TMEM132D: variants seen among roughly 807,000 people sequenced by gnomAD.
The protein encoded by TMEM132D is transmembrane protein 132D.
Under a neutral mutation model 62.3 loss-of-function variants are expected in TMEM132D, and 21 were observed. That is an observed-to-expected ratio of 0.34 (90% confidence interval 0.24 to 0.49). The LOEUF (loss-of-function observed/expected upper bound fraction) is 0.49, where lower values mean the gene tolerates loss of function less well. Among genes scored for constraint, TMEM132D ranks in the 20% least tolerant of loss-of-function variants. TMEM132D has a pLI of 0.99. For synonymous variants in TMEM132D, 621 were observed against 575.6 expected, an observed-to-expected ratio of 1.08 and a Z score of -1.13; for missense variants, 1,346 against 1,402.8, an observed-to-expected ratio of 0.96 and a Z score of 0.65.
intron 7 of TMEM132D, among the ~76,000 whole-genome samples, chr12:129,079,818 A>AGGAGGACACAGTGAGAAAAAAGAG (rs1874395950): frequency 6.6e-6 from 1 of 152,150 alleles, no homozygotes; most frequent in Non-Finnish European, 1.5e-5. Context: ...TTTATGACTC[A>AGGAGGACACAGTGAGAAAAAAGAG]GGAGGACACA....
At chr12:129,199,491 T>C (rs1214371428) in intron 5 of TMEM132D, among the ~76,000 whole-genome samples, 1 of 152,186 alleles carries the variant, frequency 6.6e-6, no homozygotes, top group Admixed American at 6.5e-5. Flanking sequence ...CAGATTGACA[T>C]AGCAGAAGAA....
At chr12:129,745,052 G>A (rs899093604) in intron 1 of TMEM132D, among the ~76,000 whole-genome samples, 18 of 152,190 alleles carry the variant, frequency 1.2e-4, no homozygotes, top group South Asian at 4.2e-4. Context: ...ATGCTCTCTC[G>A]CTGTCCTGCT....
At chr12:129,432,291 T>TTGGATGGATGGATGGATGGA (rs1343742913) in intron 3 of TMEM132D, among the ~76,000 whole-genome samples, 1 of 20,946 alleles carries the variant, frequency 4.8e-5, no homozygotes, top group Non-Finnish European at 8.8e-5. Context: ...GGATGGATGC[T>TTGGATGGATGGATGGATGGA]TGGATGGATG....
At chr12:129,470,782 T>C (rs1874071527) in intron 3 of TMEM132D, among the ~76,000 whole-genome samples, 2 of 152,182 alleles carry the variant, frequency 1.3e-5, no homozygotes, top group African/African-American at 2.4e-5. Flanking sequence ...GGCCTGAAAA[T>C]GACCCACAAG....
intron 1 of TMEM132D, among the ~76,000 whole-genome samples, chr12:129,702,096 A>C (rs577187438): frequency 1.3e-4 from 20 of 152,332 alleles, no homozygotes; most frequent in African/African-American, 4.6e-4. Flanking sequence ...CATCCAGTTT[A>C]ACTTCTAGAC....
chr12:129,869,120 C>T (rs1874162141), intron 1 of TMEM132D, among the ~76,000 whole-genome samples: 1 of 151,732 alleles, frequency 6.6e-6, no homozygotes, highest in African/African-American at 2.4e-5. Flanking sequence ...GGGGTTCCCA[C>T]TGCACCCCAT....
chr12:129,429,287 A>T (rs923522650), intron 3 of TMEM132D, among the ~76,000 whole-genome samples: 4 of 152,184 alleles, frequency 2.6e-5, no homozygotes, highest in African/African-American at 9.6e-5. Context: ...TCTGTCAGTC[A>T]GGGGACAGCT....
chr12:129,315,736 G>C (rs1443545264), intron 4 of TMEM132D, among the ~76,000 whole-genome samples: 3 of 152,022 alleles, frequency 2.0e-5, no homozygotes, highest in Non-Finnish European at 2.9e-5. Context: ...TTCGTTTAAT[G>C]TCTGGTAGAA....
chr12:129,762,031 C>A lies in TMEM132D; in HGVS notation c.80-61333G>T, dbSNP rs114319294. 4.7e-3 allele frequency among the ~76,000 whole-genome samples: 722 copies of A among 152,254 alleles called. 8 individuals carry two copies. The highest frequency in any genetic ancestry group is 0.017 in the African/African-American group (694 of 41,534). ...ATTTTTCTGTCATGAGAAACTCCAG[C>A]CTGCAGATAAAGATGAGACATGAAG... is the stretch of plus-strand genomic sequence containing the variant. On this transcript the variant is annotated intron_variant, in intron 1 of 8. Transcript: ENST00000422113.
chr12:129,525,594 T>C (rs552590857), intron 3 of TMEM132D, among the ~76,000 whole-genome samples: 2 of 152,290 alleles, frequency 1.3e-5, no homozygotes. Flanking sequence ...ATGGTTCTGT[T>C]GATTATTTCA....
chr12:129,706,264 T>C (rs992941928), intron 1 of TMEM132D, among the ~76,000 whole-genome samples: 11 of 151,962 alleles, frequency 7.2e-5, no homozygotes, highest in Non-Finnish European at 1.5e-5. Context: ...ATAAGTTGAC[T>C]GAGGTATTTT....
Position 129,452,294 on chromosome 12 carries a change from C to T in TMEM132D, c.1115+78765G>A, listed in dbSNP as rs141542458. ...GCATTTCTCTGTTAATTGTGAGGACCACTATGAACGTACTTGGGTTTGGCA... is the reference window on the plus strand; with the variant it reads ...GCATTTCTCTGTTAATTGTGAGGACTACTATGAACGTACTTGGGTTTGGCA... On this transcript the variant is annotated intron_variant, in intron 3 of 8. Coordinates refer to ENST00000422113, the MANE Select transcript of TMEM132D (RefSeq NM_133448.3). Among the ~76,000 whole-genome samples, 237 of 152,310 alleles carry T rather than the reference C, an allele frequency of 1.6e-3. 1 individual carries two copies. The highest frequency in any genetic ancestry group is 5.4e-3 in the African/African-American group (223 of 41,568).
chr12:129,639,200 T>C (rs550306046), intron 2 of TMEM132D, among the ~76,000 whole-genome samples: 4 of 151,598 alleles, frequency 2.6e-5, no homozygotes, highest in South Asian at 2.1e-4. Flanking sequence ...CTGGCCAACA[T>C]GGCAAAACCC....
intron 2 of TMEM132D, among the ~76,000 whole-genome samples, chr12:129,540,286 G>A (rs1425414350): frequency 6.6e-6 from 1 of 152,076 alleles, no homozygotes; most frequent in African/African-American, 2.4e-5. Context: ...AGAAGGGGCT[G>A]CACACCAGCC....
chr12:129,384,869 T>C (rs1871060784), intron 3 of TMEM132D, among the ~76,000 whole-genome samples: 1 of 152,168 alleles, frequency 6.6e-6, no homozygotes, highest in African/African-American at 2.4e-5. Context: ...AGTTTAAGAA[T>C]TTCTAGTTAA....
intron 5 of TMEM132D, among the ~76,000 whole-genome samples, chr12:129,103,833 A>C (rs1875396522): frequency 6.6e-6 from 1 of 152,212 alleles, no homozygotes; most frequent in Non-Finnish European, 1.5e-5. Context: ...CCAACTTACA[A>C]GGGAGGTGAA....
intron 2 of TMEM132D, among the ~76,000 whole-genome samples, chr12:129,565,713 G>A (rs1316614390): frequency 6.6e-6 from 1 of 152,212 alleles, no homozygotes; most frequent in Non-Finnish European, 1.5e-5. Flanking sequence ...CGCTGCTACT[G>A]CAGCTCCCAG....
intron 3 of TMEM132D, among the ~76,000 whole-genome samples, chr12:129,475,597 C>T (rs977858053): frequency 6.6e-6 from 1 of 152,212 alleles, no homozygotes; most frequent in East Asian, 1.9e-4. Context: ...GTTTTGCCTT[C>T]TTTTGTCTCT....
intron 4 of TMEM132D, among the ~76,000 whole-genome samples, chr12:129,332,223 T>C (rs1869128619): frequency 1.3e-5 from 2 of 152,006 alleles, no homozygotes; most frequent in African/African-American, 2.4e-5. Context: ...ACTTACAACA[T>C]AGTAAGGCAT....
Sources: gnomAD v4.1 joint callset for allele counts (sites outside exome capture counted in the v4.1 genomes callset) on GRCh38, gnomAD v4.1.1 for gene constraint, MANE v1.5 for transcripts, NCBI Gene and HGNC (gene_info 2026-07-23, HGNC 2026-07-21) for gene names.